FANCD2OS: variants seen among roughly 807,000 people sequenced by gnomAD.
The protein encoded by FANCD2OS is FANCD2 opposite strand protein.
A neutral mutation model predicts 13.2 loss-of-function variants in FANCD2OS; 11 were observed. The ratio of observed to expected loss-of-function variants is 0.83; its 90% confidence interval spans 0.52 to 1.38. FANCD2OS has a LOEUF of 1.38. FANCD2OS is among the 40% of genes most tolerant of loss of function. FANCD2OS has a pLI of 0.00. For synonymous variants in FANCD2OS, 69 were observed against 84.5 expected (o/e 0.82, Z 1.01); for missense variants, 217 against 213.9 (o/e 1.01, Z -0.09).
upstream of FANCD2OS, among the ~76,000 whole-genome samples, chr3:10,108,396 C>A (rs2125113660): frequency 6.6e-6 from 1 of 152,260 alleles, no homozygotes; most frequent in African/African-American, 2.4e-5. Context: ...GGGCCACACT[C>A]CCCGCCCCCA....
intron 2 of FANCD2OS, among the ~76,000 whole-genome samples, chr3:10,091,772 G>A (rs1463189449): frequency 6.6e-6 from 1 of 152,128 alleles, no homozygotes; most frequent in Non-Finnish European, 1.5e-5. Flanking sequence ...AACAGCTTAG[G>A]AGAAAACTTG....
Position 10,104,558 on chromosome 3 carries a change from G to A in FANCD2OS, c.217C>T (p.Pro73Ser). 1.2e-6 allele frequency: 2 copies of A among 1,614,216 alleles called. No homozygotes were observed. Among genetic ancestry groups the A allele is most frequent in the African/African-American group, 1.3e-5 (1 of 75,058 alleles). The change falls in exon 2 of 2, where the codon CCC becomes TCC. Residue 73 changes from proline (P) to serine (S), a missense_variant. By Grantham distance (74) the Pro-to-Ser change is moderately conservative. Coordinates refer to ENST00000450660, the MANE Select transcript of FANCD2OS (RefSeq NM_001164839.2). ...FLESGVSPKL[P>S]CHTSELRTMN... ...GTGCGCAACTCTGATGTGTGGCAGGGTAACTTGGGACTCACTCCAGATTCC... is the reference window on the plus strand; with the variant it reads ...GTGCGCAACTCTGATGTGTGGCAGGATAACTTGGGACTCACTCCAGATTCC...
downstream of FANCD2OS, among the ~76,000 whole-genome samples, chr3:10,102,141 TC>T (rs1445120907): frequency 2.0e-5 from 3 of 148,812 alleles, no homozygotes; most frequent in Non-Finnish European, 4.4e-5. Context: ...TGATCTTCTT[TC>T]CTTTTTTTTT....
At chr3:10,092,373 A>G (rs1310097855) in intron 2 of FANCD2OS, 5 of 809,598 alleles carry the variant, frequency 6.2e-6, no homozygotes, top group Non-Finnish European at 1.1e-5. Flanking sequence ...GCTCTCCCTG[A>G]GTCGTCTTCT....
downstream of FANCD2OS, among the ~76,000 whole-genome samples, chr3:10,100,327 C>T (rs904726152): frequency 2.0e-5 from 3 of 152,200 alleles, no homozygotes; most frequent in Admixed American, 6.5e-5. Flanking sequence ...GTATCGTAAG[C>T]CAGACAGAAC....
At chr3:10,105,779 T>TAC (rs1695475284) in intron 1 of FANCD2OS, among the ~76,000 whole-genome samples, 1 of 26,020 alleles carries the variant, frequency 3.8e-5, no homozygotes. Flanking sequence ...AAATTATATA[T>TAC]ATATATATAT....
At chr3:10,105,773 TATA>T (rs1559415185) in intron 1 of FANCD2OS, among the ~76,000 whole-genome samples, 3 of 1,410 alleles carry the variant, frequency 2.1e-3, no homozygotes, top group Non-Finnish European at 4.4e-3. Context: ...AAAAAAAAAT[TATA>T]TATATATATA....
rs750130327 is a variant in FANCD2OS, at chr3:10,090,343, G to A, written c.*44-8812C>T. The A allele has an allele frequency of 3.0e-5, 49 of 1,612,832 alleles. No individual in the cohort carries two copies. In the Admixed American group the frequency reaches 5.2e-4, roughly 17 times the overall value. ...TGATGATGGCTGAACTAGAGAAGAC[G>A]GTGAAAAAAATTGAGCCTGGCACAG... On this transcript the variant is annotated intron_variant, in intron 2 of 2. Transcript: ENST00000524279.
At chr3:10,089,521 G>A (rs1448657840) in intron 2 of FANCD2OS, among the ~76,000 whole-genome samples, 1 of 152,108 alleles carries the variant, frequency 6.6e-6, no homozygotes, top group Non-Finnish European at 1.5e-5. Context: ...CCAGGCTGGA[G>A]TGCAGTGGCG....
At chr3:10,095,149 A>G (rs749651234) in intron 2 of FANCD2OS, 33 of 1,473,710 alleles carry the variant, frequency 2.2e-5, no homozygotes, top group Non-Finnish European at 3.1e-5. Context: ...TCTTGAATCT[A>G]AAATGAAATC....
At position 10,081,498 on chromosome 3, in the gene FANCD2OS, A is replaced by AT. The variant is rs1287946906; in HGVS notation, c.*76dup. On this transcript the variant is annotated 3_prime_UTR_variant, in exon 3 of 3. Coordinates refer to the FANCD2OS transcript ENST00000524279. ...GTGGGAAGTGTGGAGAGAACTGAGTATATACTTGCTTTTATTTGACAGTCA... is the reference window on the plus strand; with the variant it reads ...GTGGGAAGTGTGGAGAGAACTGAGTATTATACTTGCTTTTATTTGACAGTCA... The AT allele has an allele frequency of 2.1e-6, 3 of 1,401,232 alleles. No individual in the cohort carries two copies. The African/African-American group carries it at 4.2e-5, about 20-fold the overall frequency. The allele number at this position is 1,401,232 out of a possible 1,614,324, so 86.8% of individuals were successfully genotyped here. A position where few individuals can be genotyped will look rare whatever the true frequency, so the allele number is the denominator to read the frequency against.
intron 2 of FANCD2OS, among the ~76,000 whole-genome samples, chr3:10,086,509 TGA>T (rs1244207183): frequency 2.0e-5 from 3 of 152,078 alleles, no homozygotes; most frequent in Non-Finnish European, 2.9e-5. Flanking sequence ...TTTTTTTCTT[TGA>T]GAGAGAGTCT....
downstream of FANCD2OS, among the ~76,000 whole-genome samples, chr3:10,100,303 G>C (rs1459791876): frequency 6.6e-6 from 1 of 152,238 alleles, no homozygotes; most frequent in Non-Finnish European, 1.5e-5. Context: ...CCCCTAAGCA[G>C]ATCTCTCATA....
chr3:10,089,242 G>A (rs1229765541), intron 2 of FANCD2OS, among the ~76,000 whole-genome samples: 2 of 151,406 alleles, frequency 1.3e-5, no homozygotes, highest in Non-Finnish European at 2.9e-5. Flanking sequence ...CCGGGATCGC[G>A]CCACTGCACT....
intron 2 of FANCD2OS, among the ~76,000 whole-genome samples, chr3:10,092,997 C>T (rs1559407585): frequency 6.6e-6 from 1 of 152,100 alleles, no homozygotes; most frequent in African/African-American, 2.4e-5. Flanking sequence ...CAGCCTCATC[C>T]AGTCTTTCTT....
chr3:10,106,579 A>G (rs1485848790), intron 1 of FANCD2OS, among the ~76,000 whole-genome samples: 1 of 152,046 alleles, frequency 6.6e-6, no homozygotes, highest in Non-Finnish European at 1.5e-5. Flanking sequence ...AAATTTTGAC[A>G]CCTTCACCGC....
chr3:10,099,283 T>C (rs1287940738), downstream of FANCD2OS: 2 of 1,265,056 alleles, frequency 1.6e-6, no homozygotes, highest in African/African-American at 1.5e-5. Flanking sequence ...GTTCTTACGC[T>C]TTTTTGTGGT....
chr3:10,088,719 C>G lies in FANCD2OS; in HGVS notation c.*44-7188G>C, dbSNP rs1221166984. On this transcript the variant is annotated intron_variant, in intron 2 of 2. Coordinates refer to the FANCD2OS transcript ENST00000524279. ...TAAGATCCTCTGGTTCTGTTTTATA[C>G]TGTTAGCTAACTGCTTATTGTTAAT... The G allele has an allele frequency of 2.4e-6, 3 of 1,261,652 alleles. No homozygotes were observed. In the African/African-American group the frequency reaches 4.4e-5, roughly 19 times the overall value. 78.2% of individuals were successfully genotyped at this position (1,261,652 alleles called of 1,614,324 possible).
upstream of FANCD2OS, among the ~76,000 whole-genome samples, chr3:10,108,448 G>A (rs548627994): frequency 2.0e-5 from 3 of 152,158 alleles, no homozygotes; most frequent in Non-Finnish European, 4.4e-5. Context: ...CTTCAGGAGG[G>A]CTGGTCCGAA....
Sources: allele counts gnomAD v4.1 joint callset (sites outside exome capture counted in the v4.1 genomes callset), GRCh38; gene constraint gnomAD v4.1.1; transcripts MANE v1.5; gene names NCBI Gene and HGNC (gene_info 2026-07-23, HGNC 2026-07-21).